Variants in COL4A1 observed in about 807,000 individuals in gnomAD.
The protein encoded by COL4A1 is collagen alpha-1(IV) chain.
In COL4A1, 40 loss-of-function variants were observed where a neutral mutation model predicts 216.6. The observed-to-expected ratio is 0.18, with a 90% CI of 0.14 to 0.24. COL4A1 has a LOEUF of 0.24. Among genes scored for constraint, COL4A1 ranks in the 10% least tolerant of loss-of-function variants. COL4A1 has a pLI of 1.00. For synonymous variants in COL4A1, 839 were observed against 810.7 expected, an observed-to-expected ratio of 1.03 and a Z score of -0.59; for missense variants, 1,628 against 2,196.8, an observed-to-expected ratio of 0.74 and a Z score of 5.18.
chr13:110,211,436 T>C lies in COL4A1; in HGVS notation c.468+211A>G, dbSNP rs1007021872. Among the ~76,000 whole-genome samples, 11 of 152,198 alleles carry C rather than the reference T, an allele frequency of 7.2e-5. No individual in the cohort carries two copies. Among genetic ancestry groups the C allele is most frequent in the African/African-American group, 2.7e-4 (11 of 41,454 alleles). ...CCTCCTTCCGCTGCTTATTCCCCAT[T>C]AAGAAGCTGTGCCAAGTGTCTGAAC... is the stretch of plus-strand genomic sequence containing the variant. On this transcript the variant is annotated intron_variant, in intron 8 of 51. Transcript: ENST00000375820. This position sits in a 1 kb window ranked among gnomAD's most constrained non-coding sequence, Gnocchi z 4.3.
intron 20 of COL4A1, among the ~76,000 whole-genome samples, chr13:110,199,658 G>T (rs746763977): frequency 3.7e-4 from 57 of 152,184 alleles, no homozygotes; most frequent in Non-Finnish European, 7.3e-4. Context: ...AATGGTCAAG[G>T]CCACAGGCGA....
chr13:110,235,461 T>C (rs1032290540), intron 2 of COL4A1, among the ~76,000 whole-genome samples: 4 of 152,012 alleles, frequency 2.6e-5, no homozygotes, highest in East Asian at 1.9e-4. Context: ...CCTTCCTGGC[T>C]AACAGGGTGA....
intron 1 of COL4A1, among the ~76,000 whole-genome samples, chr13:110,277,543 C>G (rs781622479): frequency 3.9e-5 from 6 of 152,214 alleles, no homozygotes; most frequent in Non-Finnish European, 4.4e-5. Context: ...TCCAGCTTCC[C>G]AGGGTCTGCA....
chr13:110,254,154 A>G (rs906376339), intron 1 of COL4A1, among the ~76,000 whole-genome samples: 1 of 152,182 alleles, frequency 6.6e-6, no homozygotes, highest in Non-Finnish European at 1.5e-5. Flanking sequence ...AGCTCCTAAC[A>G]GAGGATCACT....
At chr13:110,242,560 T>G in intron 2 of COL4A1, 115 bp downstream of exon 2, 2 of 1,200,182 alleles carry the variant, frequency 1.7e-6, no homozygotes. Flanking sequence ...CTGGGGAAAT[T>G]ATCAAAACAG....
chr13:110,295,959 G>A (rs1884259889), intron 1 of COL4A1, among the ~76,000 whole-genome samples: 1 of 152,212 alleles, frequency 6.6e-6, no homozygotes, highest in African/African-American at 2.4e-5. Flanking sequence ...TGTCTCCACT[G>A]TGCTCAAGCC....
At chr13:110,186,324 G>T in intron 26 of COL4A1, 61 bp downstream of exon 26, 1 of 1,606,478 alleles carries the variant, frequency 6.2e-7, no homozygotes, top group Non-Finnish European at 8.5e-7. Flanking sequence ...GTGCACCCGA[G>T]GTGCCTGCCC....
In COL4A1 at chr13:110,170,294, G is replaced by A. The variant is rs1453787158; in HGVS notation, c.3742+253C>T. Among the ~76,000 whole-genome samples the A allele has an allele frequency of 2.0e-5, 3 of 152,322 alleles. 1 individual carries two copies. The highest frequency in any genetic ancestry group is 4.8e-5 in the African/African-American group (2 of 41,568). Reference sequence around the variant, plus strand: ...GCGCTGGTTTAAGTCCAACGCCACCGACGGGGCACGAGTCCAGGCTTGTCC... The same window carrying A: ...GCGCTGGTTTAAGTCCAACGCCACCAACGGGGCACGAGTCCAGGCTTGTCC... On this transcript the variant is annotated intron_variant, in intron 42 of 51. Coordinates refer to ENST00000375820, the MANE Select transcript of COL4A1 (RefSeq NM_001845.6).
intron 2 of COL4A1, among the ~76,000 whole-genome samples, chr13:110,236,514 G>C (rs1881323133): frequency 1.3e-5 from 2 of 152,198 alleles, no homozygotes; most frequent in Non-Finnish European, 2.9e-5. Context: ...CCTGTGAAAA[G>C]GGAAAAGAAG....
rs144883560 is a variant in COL4A1, at chr13:110,206,399, T to C, written c.858+266A>G. On this transcript the variant is annotated intron_variant, in intron 15 of 51. Coordinates refer to ENST00000375820, the MANE Select transcript of COL4A1 (RefSeq NM_001845.6). ...AGAGCAGGACCGAAGGTTTCAGGGA[T>C]GGCCCAGGGCTCTTCAGAAGCCTCT... 7.5e-4 allele frequency among the ~76,000 whole-genome samples: 115 copies of C among 152,368 alleles called. 1 individual carries two copies. In the East Asian group the frequency reaches 0.019, roughly 25 times the overall value.
chr13:110,221,174 A>C (rs999405709), intron 2 of COL4A1, among the ~76,000 whole-genome samples: 1 of 152,232 alleles, frequency 6.6e-6, no homozygotes, highest in South Asian at 2.1e-4. Context: ...TGACTGACAG[A>C]GCTGAACACT....
Position 110,207,506 on chromosome 13 carries a change from G to C in COL4A1, c.694-17C>G. On this transcript the variant is annotated splice_polypyrimidine_tract_variant and intron_variant, in intron 12 of 51. Coordinates refer to ENST00000375820, the MANE Select transcript of COL4A1 (RefSeq NM_001845.6). The surrounding 1 kb of genome is among the most constrained non-coding windows in gnomAD (Gnocchi z 4.4). ...TTGGTCACCCTGTCGACATAAAAAT[G>C]TAAAATTAATTAGGCATGAAAACAA... The C allele has an allele frequency of 6.2e-7, 1 of 1,607,406 alleles. No homozygotes were observed. Among genetic ancestry groups the C allele is most frequent in the Non-Finnish European group, 8.5e-7 (1 of 1,173,986 alleles).
chr13:110,232,653 C>T (rs10161905), intron 2 of COL4A1, among the ~76,000 whole-genome samples: 2,508 of 152,222 alleles, frequency 0.016, 80 homozygotes, highest in African/African-American at 0.057. Flanking sequence ...CATAAATAGT[C>T]GGGACAGAGG....
chr13:110,152,111 CT>C (rs1392641089), intron 51 of COL4A1, among the ~76,000 whole-genome samples: 2 of 152,022 alleles, frequency 1.3e-5, no homozygotes, highest in Non-Finnish European at 2.9e-5. Context: ...GGAAAATGAC[CT>C]TTTTCTTTCA....
intron 24 of COL4A1, among the ~76,000 whole-genome samples, chr13:110,187,805 C>T (rs1878467807): frequency 6.6e-6 from 1 of 152,210 alleles, no homozygotes; most frequent in Non-Finnish European, 1.5e-5. Flanking sequence ...GCCTTTTCTC[C>T]AGCTTCTGGG....
Position 110,192,214 on chromosome 13 carries a change from T to A in COL4A1, c.1536A>T (p.Pro512=), listed in dbSNP as rs1001741715. The A allele has an allele frequency of 1.9e-6, 3 of 1,614,040 alleles. No individual in the cohort carries two copies. The highest frequency in any genetic ancestry group is 2.5e-6 in the Non-Finnish European group (3 of 1,180,002). ...CATGAACTCAGACAGGTTTACTTAC[T>A]GGCACTCCTGCAACACCATCTCTGC... ...LPGRDGVAGV[P]GPQGTPGLIG... is the part of the protein sequence containing the mutation. The change falls in exon 24 of 52, where the codon CCA becomes CCT. Residue 512 remains proline (P), a splice_region_variant and synonymous_variant. Coordinates refer to ENST00000375820, the MANE Select transcript of COL4A1 (RefSeq NM_001845.6).
rs781126612 is a variant in COL4A1 at position 110,213,794 on chromosome 13, T to G, written c.267A>C (p.Thr89=). 6.2e-7 allele frequency: 1 copy of G among 1,614,210 alleles called. No homozygotes were observed. Among genetic ancestry groups the G allele is most frequent in the African/African-American group, 1.3e-5 (1 of 75,052 alleles). ...CAACTGTACTCACTCTTGTCCCTTT[T>G]GTTCCAGGTAGTCCTGGTTCTCCAG... ...GDTGEPGLPG[T]KGTRGPPGAS... Residue 89 remains threonine (T), a synonymous_variant, in exon 4 of 52, where the codon ACA becomes ACC. Transcript: ENST00000375820.
intron 1 of COL4A1, among the ~76,000 whole-genome samples, chr13:110,257,686 A>C (rs12857314): frequency 6.6e-6 from 1 of 152,302 alleles, no homozygotes; most frequent in Middle Eastern, 3.4e-3. Flanking sequence ...TCCAAACCAC[A>C]CTTCCCCACT....
At chr13:110,153,389 G>A (rs867517706) in intron 50 of COL4A1, among the ~76,000 whole-genome samples, 2 of 152,166 alleles carry the variant, frequency 1.3e-5, no homozygotes, top group Non-Finnish European at 2.9e-5. Flanking sequence ...CACTATTTTC[G>A]TTTGCTCCTG....
Sources: gnomAD v4.1 joint callset for allele counts (sites outside exome capture counted in the v4.1 genomes callset) on GRCh38, gnomAD v4.1.1 for gene constraint, Gnocchi (gnomAD v3.1) non-coding constraint, MANE v1.5 for transcripts, NCBI Gene and HGNC (gene_info 2026-07-23, HGNC 2026-07-21) for gene names.